Variants in CSMD1 observed in about 807,000 individuals in gnomAD.
CSMD1 encodes CUB and Sushi multiple domains 1, also known as CUB and sushi domain-containing protein 1.
In CSMD1, 213 loss-of-function variants were observed where a neutral mutation model predicts 417.5. That is an observed-to-expected ratio of 0.51 (90% CI 0.46 to 0.57). The LOEUF (loss-of-function observed/expected upper bound fraction) is 0.57, where lower values mean the gene tolerates loss of function less well. Ranked by LOEUF, CSMD1 falls within the 20% of genes least tolerant of loss-of-function variation. The pLI, the probability that CSMD1 is intolerant of heterozygous loss-of-function variation, is 0.00. For synonymous variants in CSMD1, 2,862 were observed against 1,736.8 expected (o/e 1.65, Z -16.11); for missense variants, 6,923 against 4,529.7 (o/e 1.53, Z -15.17).
chr8:4,430,312 G>A (rs575781486), intron 2 of CSMD1, among the ~76,000 whole-genome samples: 70 of 152,188 alleles, frequency 4.6e-4, no homozygotes, highest in South Asian at 2.3e-3. Flanking sequence ...TTAAACCACT[G>A]CATATTGCTT....
chr8:4,929,392 C>A (rs767769030), intron 1 of CSMD1, among the ~76,000 whole-genome samples: 4 of 152,174 alleles, frequency 2.6e-5, no homozygotes, highest in African/African-American at 4.8e-5. Flanking sequence ...TAAAGGACTC[C>A]TCCTAAATAA....
chr8:4,541,271 C>T (rs1337438232), intron 2 of CSMD1, among the ~76,000 whole-genome samples: 1 of 152,148 alleles, frequency 6.6e-6, no homozygotes, highest in African/African-American at 2.4e-5. Context: ...CTCTCTCATC[C>T]CCAGGATCTA....
chr8:3,937,230 A>C lies in CSMD1; in HGVS notation c.818+60673T>G, dbSNP rs188017319. Among the ~76,000 whole-genome samples, 356 of 152,304 alleles carry C rather than the reference A, an allele frequency of 2.3e-3. 2 individuals are homozygous for C. Among genetic ancestry groups the C allele is most frequent in the African/African-American group, 8.0e-3 (332 of 41,556 alleles). ...GACAACAAAAGATTGTGATTATTTC[A>C]TAAACTCAGTTAATAAAGCAGCAGC... On this transcript the variant is annotated intron_variant, in intron 5 of 69. Coordinates refer to ENST00000635120, the MANE Select transcript of CSMD1 (RefSeq NM_033225.6).
chr8:4,356,939 T>G (rs1005316750), intron 3 of CSMD1, among the ~76,000 whole-genome samples: 1 of 152,220 alleles, frequency 6.6e-6, no homozygotes, highest in Non-Finnish European at 1.5e-5. Flanking sequence ...AATGTCAATA[T>G]GTGAAATATA....
chr8:2,939,814 C>A lies in CSMD1; in HGVS notation c.10536-1070G>T, dbSNP rs77683819. Among the ~76,000 whole-genome samples, 1,428 of 152,326 alleles carry A rather than the reference C, an allele frequency of 9.4e-3. 22 individuals are homozygous for A. The highest frequency in any genetic ancestry group is 0.033 in the African/African-American group (1,373 of 41,560). ...TCCGTGACATTGTGCTTGGAACATG[C>A]GCCAGCAGTGATCGTTAGCAAACAA... On this transcript the variant is annotated intron_variant, in intron 69 of 69. Transcript: ENST00000635120.
chr8:3,771,364 T>G (rs1697130776), intron 5 of CSMD1, among the ~76,000 whole-genome samples: 1 of 152,160 alleles, frequency 6.6e-6, no homozygotes, highest in Admixed American at 6.5e-5. Flanking sequence ...CAGACGGCAT[T>G]GCTTCACACT....
rs527352928 is a variant in CSMD1, at chr8:3,230,148, C to T, written c.4237G>A (p.Val1413Ile). The stretch of plus-strand genomic sequence containing the variant: ...TAGCCAGGGTCACACTGGAATGTGA[C>T]GGTGTCTCCAGCCTCTCTGCTGTCT... ...YGDSREAGDT[V>I]TFQCDPGYQL... is the part of the protein sequence containing the mutation. Residue 1413 changes from valine (V) to isoleucine (I), a missense_variant, in exon 27 of 70, where the codon GTC (valine) becomes ATC (isoleucine). Transcript: ENST00000635120. 25 of 1,613,526 alleles carry T rather than the reference C, an allele frequency of 1.5e-5. No individual in the cohort carries two copies. The highest frequency in any genetic ancestry group is 1.3e-4 in the African/African-American group (10 of 75,008).
intron 1 of CSMD1, among the ~76,000 whole-genome samples, chr8:4,780,525 C>T (rs75391275): frequency 6.6e-6 from 1 of 152,026 alleles, no homozygotes; most frequent in African/African-American, 2.4e-5. Context: ...ACGAACCTGC[C>T]TTGATGTTTT....
At chr8:3,663,546 G>C (rs1417806782) in intron 7 of CSMD1, among the ~76,000 whole-genome samples, 2 of 152,064 alleles carry the variant, frequency 1.3e-5, no homozygotes, top group Admixed American at 6.6e-5. Flanking sequence ...AACTGCTTAC[G>C]GCCAACCTGC....
chr8:3,971,911 T>C (rs1813117895), intron 5 of CSMD1, among the ~76,000 whole-genome samples: 1 of 152,176 alleles, frequency 6.6e-6, no homozygotes, highest in African/African-American at 2.4e-5. Flanking sequence ...TTTGTTCTTG[T>C]TTGTCTATTT....
intron 38 of CSMD1, among the ~76,000 whole-genome samples, chr8:3,161,570 T>A (rs1226791252): frequency 7.8e-6 from 1 of 127,670 alleles, no homozygotes; most frequent in African/African-American, 3.1e-5. Context: ...TGAGCCAAGA[T>A]CAAGATCATG....
At chr8:4,361,586 G>A (rs1425418861) in intron 3 of CSMD1, among the ~76,000 whole-genome samples, 3 of 152,156 alleles carry the variant, frequency 2.0e-5, no homozygotes, top group Admixed American at 6.5e-5. Context: ...TCTGTGAAAC[G>A]CAGTTGCCCT....
intron 7 of CSMD1, among the ~76,000 whole-genome samples, chr8:3,690,675 G>A (rs931297231): frequency 1.3e-5 from 2 of 152,168 alleles, no homozygotes; most frequent in Admixed American, 1.3e-4. Context: ...GTGTGGAGTT[G>A]TAGGAAGGCT....
chr8:4,146,031 G>C (rs1027244015), intron 3 of CSMD1, among the ~76,000 whole-genome samples: 2 of 150,710 alleles, frequency 1.3e-5, no homozygotes. Flanking sequence ...AAATCTGTTG[G>C]GGAGTGAACA....
chr8:4,441,503 G>A (rs1348344879), intron 2 of CSMD1, among the ~76,000 whole-genome samples: 1 of 152,056 alleles, frequency 6.6e-6, no homozygotes, highest in Admixed American at 6.6e-5. Flanking sequence ...TACAGAGAGA[G>A]AATGCATTAT....
intron 3 of CSMD1, among the ~76,000 whole-genome samples, chr8:4,132,070 A>G (rs1803141626): frequency 6.6e-6 from 1 of 152,150 alleles, no homozygotes; most frequent in Non-Finnish European, 1.5e-5. Flanking sequence ...AAAGCATTAT[A>G]GATTCTTCAA....
chr8:3,188,811 G>T, intron 35 of CSMD1, 76 bp downstream of exon 35: 2 of 1,280,260 alleles, frequency 1.6e-6, no homozygotes, highest in Non-Finnish European at 1.0e-6. Flanking sequence ...AAGAAACATA[G>T]AACAAAAGAA....
At chr8:3,283,983 A>AAG (rs1802943583) in intron 26 of CSMD1, among the ~76,000 whole-genome samples, 161 bp downstream of exon 26, 1 of 152,210 alleles carries the variant, frequency 6.6e-6, no homozygotes, top group East Asian at 1.9e-4. Flanking sequence ...GCAATGGGGG[A>AAG]AGAGAACTCT....
rs115639703 is a variant in CSMD1, at chr8:4,134,454, G to C, written c.416-102355C>G. On this transcript the variant is annotated intron_variant, in intron 3 of 69. Transcript: ENST00000635120. ...CAGGTGTCTACAAGCCAAAGAGAAA[G>C]ACCTGAGGAGATACCAAACCTGCTA... Among the ~76,000 whole-genome samples, 1,212 of 152,260 alleles carry C rather than the reference G, an allele frequency of 8.0e-3. 13 individuals carry two copies. Among genetic ancestry groups the C allele is most frequent in the African/African-American group, 0.028 (1,163 of 41,536 alleles).
Sources: allele counts gnomAD v4.1 joint callset (sites outside exome capture counted in the v4.1 genomes callset), GRCh38; gene constraint gnomAD v4.1.1; transcripts MANE v1.5; gene names NCBI Gene and HGNC (gene_info 2026-07-23, HGNC 2026-07-21).